Variants in NME8 observed in about 807,000 individuals in gnomAD.
NME8 encodes the protein NME/NM23 family member 8.
In NME8, 72 loss-of-function variants were observed where a neutral mutation model predicts 82.3. That is an observed-to-expected ratio of 0.87 (90% CI 0.72 to 1.06). The LOEUF is 1.06. NME8 is among the 50% of genes least tolerant of loss of function. The pLI, the probability that NME8 is intolerant of heterozygous loss-of-function variation, is 0.00. For synonymous variants in NME8, 267 were observed against 228.5 expected, an observed-to-expected ratio of 1.17 and a Z score of -1.52; for missense variants, 712 against 685.4, an observed-to-expected ratio of 1.04 and a Z score of -0.43.
intron 5 of NME8, among the ~76,000 whole-genome samples, chr7:37,855,551 T>C (rs139030188): frequency 6.4e-4 from 97 of 152,268 alleles, no homozygotes; most frequent in African/African-American, 2.1e-3. Context: ...TCATCTGCAT[T>C]AAAAACCTGT....
intron 5 of NME8, among the ~76,000 whole-genome samples, chr7:37,854,725 A>G (rs530560608): frequency 2.6e-5 from 4 of 152,106 alleles, no homozygotes; most frequent in South Asian, 4.2e-4. Flanking sequence ...ATCTCTACCA[A>G]TTTGTCTTCT....
intron 12 of NME8, among the ~76,000 whole-genome samples, chr7:37,882,885 A>G (rs546125001): frequency 9.7e-4 from 147 of 152,294 alleles, no homozygotes; most frequent in African/African-American, 3.5e-3. Flanking sequence ...AGCAAAATAA[A>G]ATATTTATTA....
chr7:37,854,850 T>C (rs1784489126), intron 5 of NME8, among the ~76,000 whole-genome samples: 1 of 152,174 alleles, frequency 6.6e-6, no homozygotes, highest in African/African-American at 2.4e-5. Context: ...ATGACTTCCT[T>C]AATTGGCTCT....
At chr7:37,892,664 G>A (rs1785147833) in intron 15 of NME8, among the ~76,000 whole-genome samples, 1 of 151,810 alleles carries the variant, frequency 6.6e-6, no homozygotes, top group African/African-American at 2.4e-5. Context: ...GTCCTTCTCT[G>A]TATTTTAAGT....
intron 5 of NME8, 59 bp from the exon 6 acceptor site, chr7:37,857,215 T>C: frequency 8.0e-7 from 1 of 1,253,496 alleles, no homozygotes; most frequent in Non-Finnish European, 1.2e-6. Flanking sequence ...CAACATAGTG[T>C]ATCAAATTAC....
intron 12 of NME8, among the ~76,000 whole-genome samples, chr7:37,881,042 A>G (rs1054968959): frequency 6.6e-6 from 1 of 152,174 alleles, no homozygotes; most frequent in Admixed American, 6.5e-5. Flanking sequence ...GTTGTTATTG[A>G]CAATGATGAT....
intron 15 of NME8, 107 bp from the exon 16 acceptor site, chr7:37,894,359 C>T: frequency 1.7e-6 from 2 of 1,207,178 alleles, no homozygotes; most frequent in Non-Finnish European, 2.4e-6. Flanking sequence ...CATGTTAAAC[C>T]ACAATATGCA....
intron 11 of NME8, among the ~76,000 whole-genome samples, chr7:37,872,270 T>TG (rs892675074): frequency 9.2e-5 from 14 of 152,174 alleles, no homozygotes; most frequent in African/African-American, 3.4e-4. Context: ...TGACCCACTG[T>TG]CTTCTAAAGC....
intron 12 of NME8, among the ~76,000 whole-genome samples, chr7:37,881,380 T>C (rs1784942297): frequency 6.6e-6 from 1 of 152,194 alleles, no homozygotes; most frequent in South Asian, 2.1e-4. Flanking sequence ...GGTATTAAAT[T>C]TGTCATATGA....
At position 37,896,933 on chromosome 7, in the gene NME8, G is replaced by C. The variant is rs1056074880; in HGVS notation, c.1608G>C (p.Met536Ile). Residue 536 changes from methionine (M) to isoleucine (I), a missense_variant, in exon 17 of 18, where the codon ATG (methionine) becomes ATC (isoleucine). Coordinates refer to ENST00000199447, the MANE Select transcript of NME8 (RefSeq NM_016616.5). ...WNAVAEWRRL[M>I]GPTDPEEAKL... ...CTGTTGCAGAATGGAGACGATTGATGGGCCCAACAGACCCAGAAGAAGCAA... is the reference window on the plus strand; with the variant it reads ...CTGTTGCAGAATGGAGACGATTGATCGGCCCAACAGACCCAGAAGAAGCAA... 1.2e-6 allele frequency: 2 copies of C among 1,613,690 alleles called. No individual in the cohort carries two copies. Among genetic ancestry groups the C allele is most frequent in the Non-Finnish European group, 1.7e-6 (2 of 1,179,854 alleles).
chr7:37,895,429 A>C (rs1785210307), intron 16 of NME8, among the ~76,000 whole-genome samples: 1 of 152,130 alleles, frequency 6.6e-6, no homozygotes, highest in South Asian at 2.1e-4. Flanking sequence ...TGATTTTGAG[A>C]GAACATAGGA....
At chr7:37,871,066 C>T (rs1784759945) in intron 11 of NME8, among the ~76,000 whole-genome samples, 1 of 152,212 alleles carries the variant, frequency 6.6e-6, no homozygotes, top group African/African-American at 2.4e-5. Context: ...TCACTCTCCT[C>T]TCTGGGTGGT....
At chr7:37,879,343 C>T (rs1784907566) in intron 12 of NME8, among the ~76,000 whole-genome samples, 1 of 151,928 alleles carries the variant, frequency 6.6e-6, no homozygotes, top group African/African-American at 2.4e-5. Context: ...GAGGGGGTTT[C>T]CCCATGTTGG....
At chr7:37,859,010 C>T (rs1784557705) in intron 6 of NME8, among the ~76,000 whole-genome samples, 1 of 152,134 alleles carries the variant, frequency 6.6e-6, no homozygotes, top group Admixed American at 6.5e-5. Flanking sequence ...CTCCCTTTCC[C>T]TTCCTCCATG....
chr7:37,862,133 G>C lies in NME8; in HGVS notation c.376G>C (p.Ala126Pro). The C allele has an allele frequency of 6.2e-7, 1 of 1,605,584 alleles. No individual in the cohort carries two copies. The highest frequency in any genetic ancestry group is 8.5e-7 in the Non-Finnish European group (1 of 1,172,388). ...EERKIAAGEMARPQYPEIPLV... is the reference protein window; with the variant it reads ...EERKIAAGEMPRPQYPEIPLV... ...GAGAAAAATTGCAGCAGGTGAAATG[G>C]CTCGACCTCAGGTAATACTTTGGAT... The change falls in exon 7 of 18, where the codon GCT (alanine) becomes CCT (proline). Residue 126 changes from alanine (A) to proline (P), a missense_variant. Coordinates refer to ENST00000199447, the MANE Select transcript of NME8 (RefSeq NM_016616.5).
intron 16 of NME8, 117 bp from the exon 17 acceptor site, chr7:37,896,753 G>A (rs1201936847): frequency 2.4e-6 from 2 of 847,538 alleles, no homozygotes; most frequent in Non-Finnish European, 4.1e-6. Context: ...GCACTGATAA[G>A]GACAAAGAAT....
rs1784974002 is a variant in NME8, at chr7:37,882,602, AGAGAGAGAGAGAG to A, written c.995-1700_995-1688del. Among the ~76,000 whole-genome samples the A allele has an allele frequency of 1.2e-3, 107 of 91,772 alleles. 4 individuals are homozygous for A. Among genetic ancestry groups the A allele is most frequent in the South Asian group, 9.5e-3 (28 of 2,948 alleles). The allele number at this position is 91,772 out of a possible 152,430, so 60.2% of individuals were successfully genotyped here. On this transcript the variant is annotated intron_variant, in intron 12 of 17. Transcript: ENST00000199447. ...AAGAAAGAAAGAAAGAAAGAAAGAG[AGAGAGAGAGAGAG>A]AAAGAAAGAAAGAAAGAAAGAAAGA...
chr7:37,893,788 T>C (rs2131974764), intron 15 of NME8, among the ~76,000 whole-genome samples: 1 of 152,274 alleles, frequency 6.6e-6, no homozygotes, highest in Admixed American at 6.5e-5. Context: ...TTATGTTTTC[T>C]TCCCTTTCAT....
intron 11 of NME8, among the ~76,000 whole-genome samples, chr7:37,868,153 A>C (rs546367644): frequency 8.5e-5 from 13 of 152,300 alleles, no homozygotes; most frequent in Non-Finnish European, 1.5e-4. Context: ...TAGGTTTGAA[A>C]GAAAAGTTTT....
Sources: allele counts gnomAD v4.1 joint callset (sites outside exome capture counted in the v4.1 genomes callset), GRCh38; gene constraint gnomAD v4.1.1; transcripts MANE v1.5; gene names NCBI Gene and HGNC (gene_info 2026-07-23, HGNC 2026-07-21).